RANGAP1: variants seen among roughly 807,000 people sequenced by gnomAD.
RANGAP1 encodes ran GTPase-activating protein 1.
In RANGAP1, 38 loss-of-function variants were observed where a neutral mutation model predicts 63.5. That is an observed-to-expected ratio of 0.60 (90% CI 0.46 to 0.78). RANGAP1 has a LOEUF of 0.78. Among genes scored for constraint, RANGAP1 ranks in the 30% least tolerant of loss-of-function variants. The probability of loss-of-function intolerance (pLI) is 0.00; values close to 1 mark genes in which losing one functional copy is unlikely to be tolerated. For missense variants in RANGAP1, 630 were observed against 740.3 expected, an observed-to-expected ratio of 0.85 and a Z score of 1.73; for synonymous variants, 329 against 310.5, an observed-to-expected ratio of 1.06 and a Z score of -0.63.
In RANGAP1 at chr22:41,249,775, G is replaced by C. The variant is rs1569169844; in HGVS notation, c.1526C>G (p.Ser509Cys). ...QKAFNSSSFN[S>C]NTFLTRLLVH... Reference sequence around the variant, plus strand: ...GAGCAGCCTGGTGAGGAAGGTGTTGGAGTTGAAGGACGAGGAGTTGAAAGC... The same window carrying C: ...GAGCAGCCTGGTGAGGAAGGTGTTGCAGTTGAAGGACGAGGAGTTGAAAGC... The change falls in exon 14 of 16, where the codon TCC (serine) becomes TGC (cysteine). Residue 509 changes from serine (S) to cysteine (C), a missense_variant. Around this residue, in one of 3 missense-constraint regions of RANGAP1, gnomAD observed 428 missense variants for 465.5 expected, o/e 0.92. Transcript: ENST00000356244. 22 of 1,613,912 alleles carry C rather than the reference G, an allele frequency of 1.4e-5. No homozygotes were observed. Among genetic ancestry groups the C allele is most frequent in the Non-Finnish European group, 1.9e-5 (22 of 1,179,880 alleles).
At chr22:41,266,600 C>T (rs2034489344) in intron 4 of RANGAP1, among the ~76,000 whole-genome samples, 1 of 152,194 alleles carries the variant, frequency 6.6e-6, no homozygotes, top group East Asian at 1.9e-4. Context: ...ATGGCACAAT[C>T]TCAGCTCACT....
intron 3 of RANGAP1, 142 bp downstream of exon 3, chr22:41,274,458 G>A: frequency 1.6e-6 from 2 of 1,261,572 alleles, no homozygotes; most frequent in Admixed American, 2.4e-5. Context: ...TGTGCCCTGG[G>A]GAGGCCAGAG....
At chr22:41,290,780 T>C (rs1011301056), upstream of RANGAP1, among the ~76,000 whole-genome samples, 4 of 152,182 alleles carry the variant, frequency 2.6e-5, no homozygotes, top group Non-Finnish European at 4.4e-5. Context: ...GAATAAATAA[T>C]AATATTTATG....
chr22:41,296,811 T>C, the RANGAP1 span, among the ~76,000 whole-genome samples: 1 of 152,178 alleles, frequency 6.6e-6, no homozygotes, highest in Non-Finnish European at 1.5e-5. Flanking sequence ...TTTTAAGGAA[T>C]TGGCTCATGT....
At chr22:41,294,233 TG>T in the RANGAP1 span, among the ~76,000 whole-genome samples, 2 of 152,242 alleles carry the variant, frequency 1.3e-5, no homozygotes, top group Non-Finnish European at 2.9e-5. Flanking sequence ...CGTATTTTTT[TG>T]GTGGAGACGG....
chr22:41,265,218 A>C (rs1244660306), intron 4 of RANGAP1, among the ~76,000 whole-genome samples: 1 of 152,210 alleles, frequency 6.6e-6, no homozygotes, highest in Non-Finnish European at 1.5e-5. Context: ...TAGGCTCCAG[A>C]AGAAGCCGTG....
the RANGAP1 span, among the ~76,000 whole-genome samples, chr22:41,296,342 AAAAC>A: frequency 4.1e-3 from 629 of 152,206 alleles, 5 homozygotes; most frequent in African/African-American, 7.4e-3. Flanking sequence ...TATGAATTTA[AAAAC>A]AAACAAACAA....
chr22:41,296,230 C>T, the RANGAP1 span, among the ~76,000 whole-genome samples: 2 of 151,466 alleles, frequency 1.3e-5, no homozygotes. Context: ...AATTAGGTAA[C>T]AAAAGTCCAG....
chr22:41,285,702 G>T, intron 1 of RANGAP1: 1 of 984,150 alleles, frequency 1.0e-6, no homozygotes, highest in East Asian at 1.1e-4. Flanking sequence ...CACCGCCTCC[G>T]GTTGACAACA....
At chr22:41,266,693 C>G (rs1369611429) in intron 4 of RANGAP1, among the ~76,000 whole-genome samples, 2 of 152,208 alleles carry the variant, frequency 1.3e-5, no homozygotes, top group African/African-American at 4.8e-5. Context: ...TGCCATCACG[C>G]CCAGCTAATT....
chr22:41,278,965 AC>A (rs2035320054), intron 2 of RANGAP1, among the ~76,000 whole-genome samples: 1 of 151,972 alleles, frequency 6.6e-6, no homozygotes, highest in South Asian at 2.1e-4. Flanking sequence ...ACACGGTGAA[AC>A]CCCGTCTCTA....
chr22:41,248,341 A>G (rs2033193446), intron 15 of RANGAP1, among the ~76,000 whole-genome samples: 1 of 152,184 alleles, frequency 6.6e-6, no homozygotes, highest in African/African-American at 2.4e-5. Flanking sequence ...TGTGGGGGAA[A>G]TGCGGCCAGA....
chr22:41,295,019 G>A, the RANGAP1 span, among the ~76,000 whole-genome samples: 1 of 143,516 alleles, frequency 7.0e-6, no homozygotes, highest in East Asian at 2.1e-4. Context: ...CCGTCCAGGA[G>A]GGAGGTGGGG....
chr22:41,255,030 G>A (rs104974), intron 10 of RANGAP1, among the ~76,000 whole-genome samples: 58,772 of 151,504 alleles, frequency 0.39, 12,105 homozygotes, highest in Non-Finnish European at 0.45. Context: ...TGTCCTCAAG[G>A]AGCCCCAGGT....
At chr22:41,277,588 AAGGG>A in intron 2 of RANGAP1, 1 of 982,018 alleles carries the variant, frequency 1.0e-6, no homozygotes, top group Non-Finnish European at 1.4e-6. Context: ...TCTGGTCAAG[AAGGG>A]TCTTGAGAAA....
rs916849858 is a variant in RANGAP1 at position 41,275,184 on chromosome 22, C to T, written c.113-457G>A. 2.6e-5 allele frequency among the ~76,000 whole-genome samples: 4 copies of T among 152,148 alleles called. No homozygotes were observed. In the South Asian group the frequency reaches 8.3e-4, roughly 32 times the overall value. ...ATTTTGATGAAACATTCCAAACCAC[C>T]TAAATGTCCATCAAGAGAAGACAGA... On this transcript the variant is annotated intron_variant, in intron 2 of 15. Transcript: ENST00000356244.
At chr22:41,293,915 A>G in the RANGAP1 span, among the ~76,000 whole-genome samples, 2 of 152,054 alleles carry the variant, frequency 1.3e-5, no homozygotes, top group South Asian at 2.1e-4. Flanking sequence ...CTCCTGCCTC[A>G]GCTTCCCAAA....
intron 3 of RANGAP1, among the ~76,000 whole-genome samples, chr22:41,269,739 C>CAAAAA (rs35959490): frequency 2.1e-5 from 2 of 93,056 alleles, no homozygotes; most frequent in South Asian, 6.6e-4. Context: ...AAGACTCTCT[C>CAAAAA]AAAAAAAAAA....
At position 41,257,903 on chromosome 22, in the gene RANGAP1, C is replaced by T. The variant is rs1165270871; in HGVS notation, c.774+45G>A. The T allele has an allele frequency of 6.5e-7, 1 of 1,548,260 alleles. No homozygotes were observed. Among genetic ancestry groups the T allele is most frequent in the South Asian group, 1.2e-5 (1 of 82,034 alleles). ...GCTTCCCTGGAAAGACAGCAGCCAG[C>T]CTCTATCTGGCGGGGCCCAACTGGC... On this transcript the variant is annotated intron_variant, in intron 7 of 15. Transcript: ENST00000356244. The surrounding 1 kb of genome is among the most constrained non-coding windows in gnomAD (Gnocchi z 4.0).
Sources: gnomAD v4.1 joint callset for allele counts (sites outside exome capture counted in the v4.1 genomes callset) on GRCh38, gnomAD v4.1.1 for gene constraint, gnomAD v4.1.1 regional missense constraint, Gnocchi (gnomAD v3.1) non-coding constraint, MANE v1.5 for transcripts, NCBI Gene and HGNC (gene_info 2026-07-23, HGNC 2026-07-21) for gene names.